SPTBN1: variants seen among roughly 807,000 people sequenced by gnomAD.
The protein encoded by SPTBN1 is spectrin beta chain, non-erythrocytic 1.
SPTBN1 carries 32 observed loss-of-function variants against 266.4 expected under a neutral mutation model. The observed-to-expected ratio is 0.12, with a 90% confidence interval of 0.09 to 0.16. The LOEUF (loss-of-function observed/expected upper bound fraction) is 0.16. Ranked by LOEUF, SPTBN1 falls within the 10% of genes least tolerant of loss-of-function variation. The probability of loss-of-function intolerance (pLI) is 1.00; values close to 1 mark genes in which losing one functional copy is unlikely to be tolerated. For missense variants in SPTBN1, 2,296 were observed against 3,067.1 expected, an observed-to-expected ratio of 0.75 and a Z score of 5.94; for synonymous variants, 1,336 against 1,162.2, an observed-to-expected ratio of 1.15 and a Z score of -3.04.
intron 1 of SPTBN1, among the ~76,000 whole-genome samples, chr2:54,489,709 A>C (rs887960442): frequency 5.9e-5 from 9 of 152,318 alleles, no homozygotes; most frequent in African/African-American, 1.9e-4. Context: ...CTCAAAAAAA[A>C]CCCAAAAATC....
chr2:54,631,545 C>G lies in SPTBN1; in HGVS notation c.3498C>G (p.Ser1166=), dbSNP rs376935801. The G allele has an allele frequency of 1.2e-6, 2 of 1,614,162 alleles. No individual in the cohort carries two copies. The highest frequency in any genetic ancestry group is 2.2e-5 in the East Asian group (1 of 44,878). Reference sequence around the variant, plus strand: ...GGGAGAACAGACAAAATCTCCTATCCCAGTCACATGCCTACCAGCAGTTCC... The same window carrying G: ...GGGAGAACAGACAAAATCTCCTATCGCAGTCACATGCCTACCAGCAGTTCC... ...KMWENRQNLL[S]QSHAYQQFLR... Residue 1166 remains serine (S), a synonymous_variant, in exon 16 of 36, where the codon TCC becomes TCG. Coordinates refer to ENST00000356805, the MANE Select transcript of SPTBN1 (RefSeq NM_003128.3).
chr2:54,654,698 G>A lies in SPTBN1; in HGVS notation c.5823-372G>A, dbSNP rs1217769872. Reference sequence around the variant, plus strand: ...AGCTAACTCATCAAGGTGCGATTGCGGCACCTCTTGCTGCTTCTCTACTTT... The same window carrying A: ...AGCTAACTCATCAAGGTGCGATTGCAGCACCTCTTGCTGCTTCTCTACTTT... On this transcript the variant is annotated intron_variant, in intron 27 of 35. Transcript: ENST00000356805. Among the ~76,000 whole-genome samples, 6 of 152,078 alleles carry A rather than the reference G, an allele frequency of 3.9e-5. No homozygotes were observed. In the South Asian group the frequency reaches 6.2e-4, roughly 16 times the overall value.
intron 1 of SPTBN1, among the ~76,000 whole-genome samples, chr2:54,490,369 G>T (rs925258657): frequency 1.3e-5 from 2 of 152,130 alleles, no homozygotes; most frequent in Non-Finnish European, 1.5e-5. Flanking sequence ...ACAGTGCCTG[G>T]CCTGTTTATG....
chr2:54,503,841 T>C (rs1006709832), intron 1 of SPTBN1, among the ~76,000 whole-genome samples: 5 of 152,206 alleles, frequency 3.3e-5, no homozygotes, highest in Admixed American at 6.5e-5. Flanking sequence ...GGGTTCACTT[T>C]TGGGGGGAAT....
chr2:54,622,236 T>G, intron 8 of SPTBN1, 64 bp from the exon 9 acceptor site: 1 of 1,549,410 alleles, frequency 6.5e-7, no homozygotes, highest in Non-Finnish European at 8.8e-7. Context: ...TCGTATAGGG[T>G]TACAATCGTA....
Position 54,630,849 on chromosome 2 carries a change from T to G in SPTBN1, c.2808-6T>G, listed in dbSNP as rs758305163. 1.3e-6 allele frequency: 2 copies of G among 1,564,570 alleles called. No individual in the cohort carries two copies. Among genetic ancestry groups the G allele is most frequent in the East Asian group, 4.5e-5 (2 of 44,400 alleles). ...TCACACTCGCTGTCTGCCCCTGCAC[T>G]CACAGGTGGAGCCAGTTCAGAGAAC... On this transcript the variant is annotated splice_polypyrimidine_tract_variant and splice_region_variant and intron_variant, in intron 15 of 35. Coordinates refer to ENST00000356805, the MANE Select transcript of SPTBN1 (RefSeq NM_003128.3).
rs758379398 is a variant in SPTBN1 at position 54,664,440 on chromosome 2, C to G, written c.6421-13C>G. On this transcript the variant is annotated splice_polypyrimidine_tract_variant and intron_variant, in intron 32 of 35. Transcript: ENST00000356805. This position sits in a 1 kb window ranked among gnomAD's most constrained non-coding sequence, Gnocchi z 5.6. ...TCACGGAGTTAGCTGAATGGCCTCT[C>G]CGCTGTCCCTAGATGGCAGAAACGG... is the stretch of plus-strand genomic sequence containing the variant. The G allele has an allele frequency of 3.1e-6, 5 of 1,605,968 alleles. No homozygotes were observed. Among genetic ancestry groups the G allele is most frequent in the Non-Finnish European group, 4.3e-6 (5 of 1,173,420 alleles).
chr2:54,558,698 T>C lies in SPTBN1; in HGVS notation c.148+32132T>C. The C allele has an allele frequency of 1.9e-6, 3 of 1,552,114 alleles. No homozygotes were observed. Among genetic ancestry groups the C allele is most frequent in the Non-Finnish European group, 2.6e-6 (3 of 1,144,430 alleles). ...CTAAGGAGCCGAGCGCTGCGGAGGC[T>C]GCTGCGTGTTGGATGGGAGTGGGAG... On this transcript the variant is annotated intron_variant, in intron 2 of 35. Coordinates refer to ENST00000356805, the MANE Select transcript of SPTBN1 (RefSeq NM_003128.3). This position sits in a 1 kb window ranked among gnomAD's most constrained non-coding sequence, Gnocchi z 4.6.
intron 2 of SPTBN1, among the ~76,000 whole-genome samples, chr2:54,532,146 G>T (rs1364436652): frequency 2.0e-5 from 3 of 152,060 alleles, no homozygotes; most frequent in African/African-American, 4.8e-5. Context: ...AAAATTAGCT[G>T]GGCGTGGTGG....
At chr2:54,602,057 A>G (rs974525023) in intron 3 of SPTBN1, among the ~76,000 whole-genome samples, 3 of 152,322 alleles carry the variant, frequency 2.0e-5, no homozygotes, top group African/African-American at 7.2e-5. Context: ...CAGGTGTATC[A>G]GCTCATAGAG....
chr2:54,563,593 CTTTTTTTTTTTT>C (rs750173696), intron 2 of SPTBN1, among the ~76,000 whole-genome samples: 2 of 64,454 alleles, frequency 3.1e-5, no homozygotes, highest in African/African-American at 6.5e-5. Flanking sequence ...AAAATTTATT[CTTTTTTTTTTTT>C]TTTTTTTTTT....
At chr2:54,601,423 G>T (rs1038898265) in intron 3 of SPTBN1, among the ~76,000 whole-genome samples, 24 of 152,130 alleles carry the variant, frequency 1.6e-4, no homozygotes, top group Non-Finnish European at 2.6e-4. Context: ...CACTGCCTTT[G>T]GCCGTGGAGG....
At position 54,649,971 on chromosome 2, in the gene SPTBN1, C is replaced by G; in HGVS notation, c.5559C>G (p.Ile1853Met). 6.2e-7 allele frequency: 1 copy of G among 1,609,406 alleles called. No homozygotes were observed. The highest frequency in any genetic ancestry group is 8.5e-7 in the Non-Finnish European group (1 of 1,177,048). ...QRMHTTFEHD[I>M]QALGTQVRQL... ...TGCACACTACATTTGAGCATGACAT[C>G]CAGGCTCTGGGCACACAGGTGGGTA... The change falls in exon 26 of 36, where the codon ATC (isoleucine) becomes ATG (methionine). Residue 1853 changes from isoleucine to methionine, a missense_variant. Ile to Met is a conservative substitution (Grantham distance 10). Coordinates refer to ENST00000356805, the MANE Select transcript of SPTBN1 (RefSeq NM_003128.3). This position sits in a 1 kb window ranked among gnomAD's most constrained non-coding sequence, Gnocchi z 6.7.
At chr2:54,661,358 G>A (rs1681031540) in intron 32 of SPTBN1, 1 of 985,708 alleles carries the variant, frequency 1.0e-6, no homozygotes, top group African/African-American at 1.7e-5. Context: ...ATTTAGATGT[G>A]TCAGTGGAAT....
At chr2:54,570,163 A>G (rs1673960513) in intron 2 of SPTBN1, among the ~76,000 whole-genome samples, 1 of 152,144 alleles carries the variant, frequency 6.6e-6, no homozygotes, top group South Asian at 2.1e-4. Flanking sequence ...CTGTAGCCAG[A>G]CTCATATTAA....
Position 54,664,185 on chromosome 2 carries a change from AT to A in SPTBN1, c.6421-265del. On this transcript the variant is annotated intron_variant, in intron 32 of 35. Coordinates refer to ENST00000356805, the MANE Select transcript of SPTBN1 (RefSeq NM_003128.3). This position sits in a 1 kb window ranked among gnomAD's most constrained non-coding sequence, Gnocchi z 5.6. ...CATAAGAGGAGATGATCTGAGTTAT[AT>A]TTATTGATCAGAGGAATAGAGTGCA... 2.7e-6 allele frequency: 1 copy of A among 364,356 alleles called. No individual in the cohort carries two copies. The allele number at this position is 364,356 out of a possible 1,614,324, so 22.6% of individuals were successfully genotyped here.
At position 54,540,205 on chromosome 2, in the gene SPTBN1, A is replaced by C. The variant is rs1671854258; in HGVS notation, c.148+13639A>C. ...GTATTCTGTTTTAGCAGTCTGAACT[A>C]AGATGAATTTTTCTTTTCTAGTAAT... On this transcript the variant is annotated intron_variant, in intron 2 of 35. Transcript: ENST00000356805. The surrounding 1 kb of genome is among the most constrained non-coding windows in gnomAD (Gnocchi z 5.6). Among the ~76,000 whole-genome samples the C allele has an allele frequency of 6.6e-6, 1 of 152,246 alleles. No individual in the cohort carries two copies. Among genetic ancestry groups the C allele is most frequent in the South Asian group, 2.1e-4 (1 of 4,832 alleles).
intron 1 of SPTBN1, among the ~76,000 whole-genome samples, chr2:54,479,299 C>A (rs1431565362): frequency 6.6e-6 from 1 of 152,106 alleles, no homozygotes; most frequent in African/African-American, 2.4e-5. Flanking sequence ...GGTTTGTAAC[C>A]ATGTAAGAAA....
chr2:54,471,571 T>C (rs1482539045), intron 1 of SPTBN1, among the ~76,000 whole-genome samples: 4 of 152,038 alleles, frequency 2.6e-5, no homozygotes, highest in Admixed American at 2.6e-4. Flanking sequence ...TACTTGGTTG[T>C]CTTTAGAGAT....
Sources: allele counts gnomAD v4.1 joint callset (sites outside exome capture counted in the v4.1 genomes callset), GRCh38; gene constraint gnomAD v4.1.1; non-coding constraint Gnocchi (gnomAD v3.1); transcripts MANE v1.5; gene names NCBI Gene and HGNC (gene_info 2026-07-23, HGNC 2026-07-21).